Variants in FAM168A observed in about 807,000 individuals in gnomAD.
FAM168A encodes family with sequence similarity 168 member A, also known as protein FAM168A.
FAM168A carries 3 observed loss-of-function variants against 28.5 expected under a neutral mutation model. The observed-to-expected ratio is 0.11, with a 90% CI of 0.05 to 0.27. FAM168A has a LOEUF of 0.27. Among genes scored for constraint, FAM168A ranks in the 10% least tolerant of loss-of-function variants. The pLI is 1.00. For synonymous variants in FAM168A, 122 were observed against 124.2 expected, an observed-to-expected ratio of 0.98 and a Z score of 0.12; for missense variants, 222 against 311.5, an observed-to-expected ratio of 0.71 and a Z score of 2.16.
At chr11:73,564,180 T>G (rs1943991113) in intron 1 of FAM168A, among the ~76,000 whole-genome samples, 1 of 152,186 alleles carries the variant, frequency 6.6e-6, no homozygotes, top group Non-Finnish European at 1.5e-5. Context: ...CCAATCACTA[T>G]GGCCGGAAGA....
At chr11:73,594,404 T>C (rs910394669) in intron 1 of FAM168A, among the ~76,000 whole-genome samples, 7 of 151,940 alleles carry the variant, frequency 4.6e-5, no homozygotes, top group South Asian at 2.1e-4. Context: ...TGGCCAGTTT[T>C]TTTGGTTTTT....
chr11:73,534,250 A>C (rs940057810), intron 1 of FAM168A, among the ~76,000 whole-genome samples: 5 of 152,234 alleles, frequency 3.3e-5, no homozygotes, highest in Non-Finnish European at 7.3e-5. Flanking sequence ...CAGATGGATG[A>C]GCAGAAACTG....
At chr11:73,408,877 C>T (rs1209787130) in intron 6 of FAM168A, among the ~76,000 whole-genome samples, 1 of 152,050 alleles carries the variant, frequency 6.6e-6, no homozygotes, top group Non-Finnish European at 1.5e-5. Flanking sequence ...TAAGCTCCTG[C>T]CTAATAAAGA....
At chr11:73,516,920 C>A (rs1044461024) in intron 1 of FAM168A, among the ~76,000 whole-genome samples, 2 of 152,134 alleles carry the variant, frequency 1.3e-5, no homozygotes, top group Admixed American at 1.3e-4. Context: ...ATTATCCCTG[C>A]CTTCATGGAG....
chr11:73,502,607 C>A (rs560838872), intron 1 of FAM168A, among the ~76,000 whole-genome samples: 1 of 152,254 alleles, frequency 6.6e-6, no homozygotes, highest in Admixed American at 6.5e-5. Context: ...CTATTCTAAA[C>A]AACTGAAAAG....
Position 73,588,232 on chromosome 11 carries a change from T to G in FAM168A, c.-19+9691A>C, listed in dbSNP as rs191503761. 9.8e-4 allele frequency among the ~76,000 whole-genome samples: 149 copies of G among 152,330 alleles called. 1 individual carries two copies. Among genetic ancestry groups the G allele is most frequent in the South Asian group, 2.5e-3 (12 of 4,830 alleles). On this transcript the variant is annotated intron_variant, in intron 1 of 7. Transcript: ENST00000356467. ...GACTTGGATGTTTGGCAGACAATTT[T>G]TTGAAAATGAACAATGTGAGACTGT...
At chr11:73,502,824 T>C (rs1007360412) in intron 1 of FAM168A, among the ~76,000 whole-genome samples, 4 of 152,212 alleles carry the variant, frequency 2.6e-5, no homozygotes, top group African/African-American at 9.6e-5. Context: ...GTTTCATCCC[T>C]GGGATGCAAG....
rs1866607447 is a variant in FAM168A, at chr11:73,411,397, G to A, written c.417C>T (p.Ala139=). The A allele has an allele frequency of 6.3e-7, 1 of 1,598,190 alleles. No homozygotes were observed. The highest frequency in any genetic ancestry group is 8.5e-7 in the Non-Finnish European group (1 of 1,171,868). Residue 139 remains alanine (A), a synonymous_variant, in exon 5 of 8, where the codon GCC becomes GCT. Coordinates refer to ENST00000356467, the MANE Select transcript of FAM168A (RefSeq NM_015159.3). The part of the protein sequence containing the change: ...RSAYPQQNLY[A]QGAYYTQPVY... ...GGTGGCTTTGACATGTACCTACCTG[G>A]GCATACAGATTCTGCTGGGGGTAGG...
intron 1 of FAM168A, among the ~76,000 whole-genome samples, chr11:73,549,530 G>A (rs1943800658): frequency 6.6e-6 from 1 of 152,146 alleles, no homozygotes. Flanking sequence ...AGTTCTGCAG[G>A]ACAGCGCTAT....
chr11:73,544,625 CATGA>C (rs1943701069), intron 1 of FAM168A, among the ~76,000 whole-genome samples: 1 of 142,210 alleles, frequency 7.0e-6, no homozygotes, highest in South Asian at 2.1e-4. Context: ...CATGTAACAA[CATGA>C]ATGAACCTTG....
chr11:73,419,799 T>C (rs1866759953), intron 4 of FAM168A, 75 bp downstream of exon 4: 2 of 1,551,812 alleles, frequency 1.3e-6, no homozygotes, highest in Admixed American at 3.9e-5. Context: ...TTTAAAAAGC[T>C]CCCTTTCCTT....
intron 2 of FAM168A, among the ~76,000 whole-genome samples, chr11:73,460,008 G>C (rs1006492924): frequency 6.6e-6 from 1 of 150,760 alleles, no homozygotes; most frequent in Non-Finnish European, 1.5e-5. Context: ...ACCCTCCTGA[G>C]TAACTGGGAG....
intron 1 of FAM168A, among the ~76,000 whole-genome samples, chr11:73,512,477 G>C (rs1271899976): frequency 6.6e-6 from 1 of 152,036 alleles, no homozygotes. Flanking sequence ...TCTAAAATTA[G>C]ATAGATGTGA....
chr11:73,424,606 C>T (rs1455392601), intron 3 of FAM168A, among the ~76,000 whole-genome samples: 2 of 152,128 alleles, frequency 1.3e-5, no homozygotes, highest in African/African-American at 2.4e-5. Flanking sequence ...GTCAGACTGC[C>T]GATGGAGATG....
At chr11:73,583,904 A>T (rs1191860866) in intron 1 of FAM168A, among the ~76,000 whole-genome samples, 1 of 152,204 alleles carries the variant, frequency 6.6e-6, no homozygotes, top group Admixed American at 6.5e-5. Flanking sequence ...GTTTTAAGTC[A>T]AGAGTTTAAC....
chr11:73,523,099 C>T (rs1943405783), intron 1 of FAM168A, among the ~76,000 whole-genome samples: 2 of 152,108 alleles, frequency 1.3e-5, no homozygotes, highest in African/African-American at 4.8e-5. Flanking sequence ...ATGTGAACAT[C>T]ACCAGCAAAC....
intron 2 of FAM168A, among the ~76,000 whole-genome samples, chr11:73,446,200 A>G (rs892431419): frequency 1.3e-5 from 2 of 152,060 alleles, no homozygotes; most frequent in Admixed American, 6.5e-5. Context: ...TAATCTTCTG[A>G]ATTTTACTGC....
chr11:73,462,242 A>G (rs1867659413), intron 2 of FAM168A, among the ~76,000 whole-genome samples: 1 of 152,258 alleles, frequency 6.6e-6, no homozygotes, highest in African/African-American at 2.4e-5. Flanking sequence ...TGCATGCGGC[A>G]TATACATAAA....
chr11:73,517,161 C>A (rs928985683), intron 1 of FAM168A, among the ~76,000 whole-genome samples: 1 of 152,070 alleles, frequency 6.6e-6, no homozygotes, highest in African/African-American at 2.4e-5. Flanking sequence ...GCAATCCTCC[C>A]ACCTCAGCCT....
Sources: allele counts gnomAD v4.1 joint callset (sites outside exome capture counted in the v4.1 genomes callset), GRCh38; gene constraint gnomAD v4.1.1; transcripts MANE v1.5; gene names NCBI Gene and HGNC (gene_info 2026-07-23, HGNC 2026-07-21).